Variants in DOCK5 observed in about 807,000 individuals in gnomAD.
DOCK5 encodes dedicator of cytokinesis 5.
In DOCK5, 142 loss-of-function variants were observed where a neutral mutation model predicts 251.8. The ratio of observed to expected loss-of-function variants is 0.56; its 90% CI spans 0.49 to 0.65. The LOEUF is 0.65. Ranked by LOEUF, DOCK5 falls within the 30% of genes least tolerant of loss-of-function variation. The pLI is 0.00. For synonymous variants in DOCK5, 842 were observed against 835.5 expected (o/e 1.01, Z -0.13); for missense variants, 2,111 against 2,312.3 (o/e 0.91, Z 1.79).
chr8:25,261,589 A>G (rs1803583197), intron 2 of DOCK5, among the ~76,000 whole-genome samples: 1 of 152,228 alleles, frequency 6.6e-6, no homozygotes, highest in African/African-American at 2.4e-5. Context: ...TGACGGTGTC[A>G]ATTTTTACAT....
chr8:25,377,829 G>A (rs548433003), intron 38 of DOCK5, among the ~76,000 whole-genome samples: 1 of 152,236 alleles, frequency 6.6e-6, no homozygotes, highest in East Asian at 1.9e-4. Flanking sequence ...TGAACTCGGG[G>A]CACCTTCCCA....
intron 13 of DOCK5, among the ~76,000 whole-genome samples, chr8:25,315,878 G>A (rs1017674139): frequency 1.3e-5 from 2 of 152,296 alleles, no homozygotes; most frequent in African/African-American, 4.8e-5. Flanking sequence ...AAAACGATCA[G>A]TGCTCTAAAT....
At chr8:25,368,449 C>T in intron 32 of DOCK5, 122 bp from the exon 33 acceptor site, 1 of 1,180,534 alleles carries the variant, frequency 8.5e-7, no homozygotes, top group Non-Finnish European at 1.2e-6. Context: ...GAATCTGAGT[C>T]ACTCACTTCT....
chr8:25,230,397 G>C (rs968093245), intron 1 of DOCK5, among the ~76,000 whole-genome samples: 1 of 152,112 alleles, frequency 6.6e-6, no homozygotes, highest in Admixed American at 6.6e-5. Context: ...GCTAAACGTC[G>C]CGAACCACTG....
At chr8:25,217,527 C>T (rs1197090020) in intron 1 of DOCK5, among the ~76,000 whole-genome samples, 2 of 152,162 alleles carry the variant, frequency 1.3e-5, no homozygotes, top group African/African-American at 4.8e-5. Flanking sequence ...ACCAGCAACG[C>T]ATGTGCCAGA....
intron 47 of DOCK5, among the ~76,000 whole-genome samples, chr8:25,401,823 AT>A (rs950572083): frequency 1.3e-5 from 2 of 152,042 alleles, no homozygotes; most frequent in Admixed American, 6.6e-5. Context: ...AAATTCTTAC[AT>A]TTTTTCCTAA....
intron 13 of DOCK5, 94 bp from the exon 14 acceptor site, chr8:25,316,913 T>C: frequency 6.7e-7 from 1 of 1,486,752 alleles, no homozygotes; most frequent in Non-Finnish European, 9.1e-7. Context: ...AACCAGACCA[T>C]TTCGTGTTGT....
intron 10 of DOCK5, among the ~76,000 whole-genome samples, chr8:25,303,528 G>T (rs1356969793): frequency 6.6e-6 from 1 of 152,154 alleles, no homozygotes; most frequent in Non-Finnish European, 1.5e-5. Context: ...TTGTTCAATT[G>T]AGGAAATACA....
intron 11 of DOCK5, among the ~76,000 whole-genome samples, chr8:25,305,863 A>T (rs1406292157): frequency 6.6e-6 from 1 of 152,152 alleles, no homozygotes; most frequent in Non-Finnish European, 1.5e-5. Context: ...ATTAACAGTG[A>T]TTATTTCTGT....
At chr8:25,373,508 C>A in intron 35 of DOCK5, 110 bp from the exon 36 acceptor site, 1 of 1,019,298 alleles carries the variant, frequency 9.8e-7, no homozygotes, top group Non-Finnish European at 1.5e-6. Flanking sequence ...AAACAGTGAT[C>A]TCTTTGGAAA....
chr8:25,367,755 A>AT, intron 31 of DOCK5, among the ~76,000 whole-genome samples: 1 of 152,312 alleles, frequency 6.6e-6, no homozygotes, highest in South Asian at 2.1e-4. Context: ...CAATGTGAAT[A>AT]TTTTGAAAAA....
At chr8:25,336,175 C>T (rs1004876837) in intron 21 of DOCK5, 64 bp from the exon 22 acceptor site, 21 of 1,545,522 alleles carry the variant, frequency 1.4e-5, no homozygotes, top group Non-Finnish European at 1.9e-5. Context: ...TCTTAGATAA[C>T]TTACCCAAGC....
At chr8:25,339,037 T>C (rs187807979) in intron 22 of DOCK5, among the ~76,000 whole-genome samples, 1 of 152,246 alleles carries the variant, frequency 6.6e-6, no homozygotes, top group African/African-American at 2.4e-5. Flanking sequence ...GTGGTTACTT[T>C]TCCCTTATAT....
At chr8:25,326,012 T>C (rs1030292508) in intron 18 of DOCK5, among the ~76,000 whole-genome samples, 4 of 152,168 alleles carry the variant, frequency 2.6e-5, no homozygotes, top group African/African-American at 9.7e-5. Flanking sequence ...CCCATTTTTT[T>C]CCAAGCAGTC....
intron 2 of DOCK5, among the ~76,000 whole-genome samples, chr8:25,261,032 G>A (rs1370328921): frequency 1.3e-5 from 2 of 152,096 alleles, no homozygotes; most frequent in East Asian, 3.9e-4. Flanking sequence ...TCCCACCTCA[G>A]CCTCCCAAAG....
chr8:25,185,972 C>A (rs963113413), intron 1 of DOCK5, among the ~76,000 whole-genome samples: 1 of 152,156 alleles, frequency 6.6e-6, no homozygotes, highest in Admixed American at 6.5e-5. Flanking sequence ...CGAATTTTAT[C>A]ACTTCCTCTC....
chr8:25,343,394 T>C (rs1264725245), intron 25 of DOCK5, among the ~76,000 whole-genome samples: 2 of 152,164 alleles, frequency 1.3e-5, no homozygotes, highest in Non-Finnish European at 2.9e-5. Flanking sequence ...CAGTTGTATG[T>C]AAGGACCTCC....
At position 25,400,071 on chromosome 8, in the gene DOCK5, A is replaced by G; in HGVS notation, c.4788+77A>G. On this transcript the variant is annotated intron_variant, in intron 46 of 51. Transcript: ENST00000276440. ...CCATTATTCTCCAGGGCTTAAGTCT[A>G]CAAGCCCACTCAGGGTGACTTTTCT... is the stretch of plus-strand genomic sequence containing the variant. 4 of 1,143,182 alleles carry G rather than the reference A, an allele frequency of 3.5e-6. No homozygotes were observed. The Admixed American group carries it at 6.3e-5, about 18-fold the overall frequency. 70.8% of individuals were successfully genotyped at this position (1,143,182 alleles called of 1,614,324 possible).
At chr8:25,215,596 C>T (rs1802223780) in intron 1 of DOCK5, among the ~76,000 whole-genome samples, 1 of 152,066 alleles carries the variant, frequency 6.6e-6, no homozygotes, top group Non-Finnish European at 1.5e-5. Flanking sequence ...TCTTCCCAAG[C>T]AGGGCAGGAG....
Sources: gnomAD v4.1 joint callset for allele counts (sites outside exome capture counted in the v4.1 genomes callset) on GRCh38, gnomAD v4.1.1 for gene constraint, MANE v1.5 for transcripts, NCBI Gene and HGNC (gene_info 2026-07-23, HGNC 2026-07-21) for gene names.